Variants in WWC2 observed in about 807,000 individuals in gnomAD.
WWC2 encodes the protein protein WWC2.
In WWC2, 101 loss-of-function variants were observed where a neutral mutation model predicts 138.5. The ratio of observed to expected loss-of-function variants is 0.73; its 90% CI spans 0.62 to 0.86. The LOEUF (loss-of-function observed/expected upper bound fraction) is 0.86, where lower values mean the gene tolerates loss of function less well. Among genes scored for constraint, WWC2 ranks in the 40% least tolerant of loss-of-function variants. WWC2 has a pLI of 0.00. For missense variants in WWC2, 1,420 were observed against 1,419.4 expected, an observed-to-expected ratio of 1.00 and a Z score of -0.01; for synonymous variants, 558 against 538.4, an observed-to-expected ratio of 1.04 and a Z score of -0.50.
chr4:183,111,838 G>A (rs1014797429), intron 1 of WWC2, among the ~76,000 whole-genome samples: 8 of 151,764 alleles, frequency 5.3e-5, no homozygotes, highest in African/African-American at 1.9e-4. Flanking sequence ...GGGACTACAG[G>A]GGTGCGGCAC....
At chr4:183,124,984 A>G (rs991025320) in intron 1 of WWC2, among the ~76,000 whole-genome samples, 1 of 152,220 alleles carries the variant, frequency 6.6e-6, no homozygotes, top group African/African-American at 2.4e-5. Flanking sequence ...CCAAAGAAAT[A>G]GTCCCAAGAG....
rs182137801 is a variant in WWC2 at position 183,118,097 on chromosome 4, C to T, written c.131+18475C>T. Among the ~76,000 whole-genome samples the T allele has an allele frequency of 2.6e-5, 4 of 152,276 alleles. No homozygotes were observed. In the East Asian group the frequency reaches 7.7e-4, roughly 29 times the overall value. ...ACAGGAGTGAGCCACTGCGCCTGGC[C>T]GGTTATGGATATTTTTTTTACCTCT... On this transcript the variant is annotated intron_variant, in intron 1 of 22. Coordinates refer to ENST00000403733, the MANE Select transcript of WWC2 (RefSeq NM_024949.6).
chr4:183,145,894 T>C lies in WWC2; in HGVS notation c.131+46272T>C, dbSNP rs182557671. ...GGGGCATGCCTGCCTTCATCTCTTA[T>C]ACTTGTTTGAGATCATTACTCTGAC... On this transcript the variant is annotated intron_variant, in intron 1 of 22. Transcript: ENST00000403733. Among the ~76,000 whole-genome samples, 416 of 152,336 alleles carry C rather than the reference T, an allele frequency of 2.7e-3. 2 individuals are homozygous for C. Among genetic ancestry groups the C allele is most frequent in the South Asian group, 0.012 (59 of 4,828 alleles).
At chr4:183,211,053 T>TA (rs1434561459) in intron 4 of WWC2, among the ~76,000 whole-genome samples, 1 of 152,256 alleles carries the variant, frequency 6.6e-6, no homozygotes, top group Non-Finnish European at 1.5e-5. Context: ...TTTCCATTGT[T>TA]ATTCAGATCA....
At chr4:183,118,013 T>A (rs560793655) in intron 1 of WWC2, among the ~76,000 whole-genome samples, 1 of 151,938 alleles carries the variant, frequency 6.6e-6, no homozygotes, top group South Asian at 2.1e-4. Context: ...TTGGCCAGGC[T>A]GGTCTTGAAC....
chr4:183,198,328 G>A (rs1158123714), intron 2 of WWC2, among the ~76,000 whole-genome samples: 4 of 152,068 alleles, frequency 2.6e-5, no homozygotes, highest in Admixed American at 6.5e-5. Context: ...ATCTTCTGAC[G>A]TGTATCCTTC....
chr4:183,247,947 C>T (rs1736852045), intron 6 of WWC2, among the ~76,000 whole-genome samples: 1 of 151,226 alleles, frequency 6.6e-6, no homozygotes, highest in Non-Finnish European at 1.5e-5. Context: ...GGTTTCTTAT[C>T]ATTTTATTAG....
intron 22 of WWC2, 42 bp from the exon 23 acceptor site, chr4:183,315,621 A>T: frequency 6.6e-7 from 1 of 1,522,912 alleles, no homozygotes; most frequent in Non-Finnish European, 9.0e-7. Context: ...GAGTATTTTT[A>T]GCATCATATA....
chr4:183,207,393 T>C (rs1323560054), intron 2 of WWC2, among the ~76,000 whole-genome samples: 2 of 152,182 alleles, frequency 1.3e-5, no homozygotes, highest in Non-Finnish European at 2.9e-5. Context: ...AAAGTGAAAA[T>C]GTATACACAC....
At chr4:183,306,952 C>CCAGCAGG (rs1739043316) in intron 21 of WWC2, among the ~76,000 whole-genome samples, 1 of 147,032 alleles carries the variant, frequency 6.8e-6, no homozygotes, top group Admixed American at 6.8e-5. Flanking sequence ...ATAAACAGAC[C>CCAGCAGG]CAGCAGGCAG....
At chr4:183,257,908 G>T (rs182137926) in intron 9 of WWC2, among the ~76,000 whole-genome samples, 1 of 152,164 alleles carries the variant, frequency 6.6e-6, no homozygotes, top group Non-Finnish European at 1.5e-5. Flanking sequence ...AGTGGGAAAC[G>T]TGAACAAGAA....
chr4:183,261,937 G>A (rs1219084837), intron 11 of WWC2, among the ~76,000 whole-genome samples: 2 of 152,154 alleles, frequency 1.3e-5, no homozygotes, highest in Admixed American at 1.3e-4. Flanking sequence ...TTAGTACCAA[G>A]GTTCAGTGTT....
chr4:183,164,928 G>A (rs781234130), intron 1 of WWC2, among the ~76,000 whole-genome samples: 15 of 152,252 alleles, frequency 9.9e-5, no homozygotes, highest in Admixed American at 2.0e-4. Flanking sequence ...TAGTAAACTA[G>A]AGGTATTGAT....
chr4:183,154,439 C>T (rs1012615882), intron 1 of WWC2, among the ~76,000 whole-genome samples: 1 of 152,128 alleles, frequency 6.6e-6, no homozygotes, highest in Non-Finnish European at 1.5e-5. Flanking sequence ...CCATGATCCC[C>T]AGGGAATATC....
intron 1 of WWC2, among the ~76,000 whole-genome samples, chr4:183,135,918 G>T (rs1733097326): frequency 6.6e-6 from 1 of 151,998 alleles, no homozygotes; most frequent in African/African-American, 2.4e-5. Flanking sequence ...TTTAAAATCA[G>T]CTAACAGTAT....
chr4:183,154,511 A>G (rs1292827727), intron 1 of WWC2, among the ~76,000 whole-genome samples: 1 of 152,062 alleles, frequency 6.6e-6, no homozygotes, highest in Non-Finnish European at 1.5e-5. Flanking sequence ...CAACCTTGTG[A>G]TTTCCCCGGT....
At chr4:183,283,681 AT>A (rs1482000250) in intron 18 of WWC2, among the ~76,000 whole-genome samples, 2 of 152,146 alleles carry the variant, frequency 1.3e-5, no homozygotes, top group African/African-American at 4.8e-5. Context: ...TTTTTGTTAC[AT>A]TTCTAAAGAT....
chr4:183,185,971 G>A (rs1027852358), intron 1 of WWC2, among the ~76,000 whole-genome samples: 4 of 138,728 alleles, frequency 2.9e-5, no homozygotes, highest in Non-Finnish European at 6.1e-5. Flanking sequence ...TTTTGGTGAC[G>A]GAGTCTCACT....
At chr4:183,153,519 A>G (rs1249082960) in intron 1 of WWC2, among the ~76,000 whole-genome samples, 3 of 152,244 alleles carry the variant, frequency 2.0e-5, no homozygotes, top group African/African-American at 7.2e-5. Flanking sequence ...ATAGTTAAAC[A>G]TTTAAAATGT....
Sources: allele counts gnomAD v4.1 joint callset (sites outside exome capture counted in the v4.1 genomes callset), GRCh38; gene constraint gnomAD v4.1.1; transcripts MANE v1.5; gene names NCBI Gene and HGNC (gene_info 2026-07-23, HGNC 2026-07-21).